STK39: variants seen among roughly 807,000 people sequenced by gnomAD.
STK39 encodes serine/threonine kinase 39.
Under a neutral mutation model 77.8 loss-of-function variants are expected in STK39, and 20 were observed. That is an observed-to-expected ratio of 0.26 (90% CI 0.18 to 0.37). The LOEUF is 0.37. STK39 is among the 10% of genes least tolerant of loss of function. The pLI is 1.00. For synonymous variants in STK39, 246 were observed against 234.1 expected, an observed-to-expected ratio of 1.05 and a Z score of -0.47; for missense variants, 479 against 656.5, an observed-to-expected ratio of 0.73 and a Z score of 2.95.
rs1415272882 is a variant in STK39 at position 168,039,972 on chromosome 2, TC to T, written c.1377-22878del. Reference sequence around the variant, plus strand: ...CAGGCACTGCCTCCCTTGGGAAGCCTCCCTGAGCCTCTCTATCCCTACCTCA... The same window carrying T: ...CAGGCACTGCCTCCCTTGGGAAGCCTCCTGAGCCTCTCTATCCCTACCTCA... On this transcript the variant is annotated intron_variant, in intron 14 of 17. Coordinates refer to ENST00000355999, the MANE Select transcript of STK39 (RefSeq NM_013233.3). Among the ~76,000 whole-genome samples the T allele has an allele frequency of 5.9e-5, 9 of 152,088 alleles. No homozygotes were observed. The East Asian group carries it at 1.7e-3, about 29-fold the overall frequency.
chr2:168,199,629 G>C (rs1366528626), intron 1 of STK39, among the ~76,000 whole-genome samples: 1 of 151,672 alleles, frequency 6.6e-6, no homozygotes, highest in Non-Finnish European at 1.5e-5. Flanking sequence ...CCAGGTTCAA[G>C]CGATTCTGCC....
At chr2:167,956,401 C>T (rs186489581) in intron 17 of STK39, among the ~76,000 whole-genome samples, 34 of 151,896 alleles carry the variant, frequency 2.2e-4, no homozygotes, top group African/African-American at 7.7e-4. Context: ...TACTAAAATA[C>T]AAAAAATTAG....
chr2:168,036,624 T>G (rs545313162), intron 14 of STK39, among the ~76,000 whole-genome samples: 20 of 152,220 alleles, frequency 1.3e-4, no homozygotes, highest in South Asian at 6.2e-4. Flanking sequence ...CAGACTTGTC[T>G]AGATATCTCT....
At chr2:168,193,358 T>C (rs1374604324) in intron 1 of STK39, among the ~76,000 whole-genome samples, 1 of 152,082 alleles carries the variant, frequency 6.6e-6, no homozygotes, top group Non-Finnish European at 1.5e-5. Context: ...TAGTCTGAAA[T>C]GATGGCAGAA....
chr2:168,037,087 G>A (rs1448662245), intron 14 of STK39, among the ~76,000 whole-genome samples: 1 of 152,134 alleles, frequency 6.6e-6, no homozygotes, highest in Non-Finnish European at 1.5e-5. Flanking sequence ...AGTAAAAATA[G>A]AAAAATCAAT....
At chr2:168,192,738 C>T (rs182152823) in intron 1 of STK39, among the ~76,000 whole-genome samples, 52 of 152,290 alleles carry the variant, frequency 3.4e-4, no homozygotes, top group Non-Finnish European at 6.2e-4. Context: ...TATAAATGTA[C>T]ATGTCTAGCA....
intron 16 of STK39, among the ~76,000 whole-genome samples, chr2:167,988,773 C>T (rs1683624378): frequency 6.6e-6 from 1 of 152,160 alleles, no homozygotes; most frequent in African/African-American, 2.4e-5. Flanking sequence ...AGTTAAACCA[C>T]CTTTAAAAAA....
chr2:168,130,215 T>C (rs1370047074), intron 8 of STK39, among the ~76,000 whole-genome samples: 2 of 152,208 alleles, frequency 1.3e-5, no homozygotes, highest in South Asian at 2.1e-4. Flanking sequence ...CACGCTCTGT[T>C]TGCCTGCTCA....
At chr2:167,976,064 A>G (rs1559040885) in intron 16 of STK39, among the ~76,000 whole-genome samples, 1 of 152,214 alleles carries the variant, frequency 6.6e-6, no homozygotes, top group Non-Finnish European at 1.5e-5. Flanking sequence ...AACTATCTGC[A>G]TACAAATCTA....
intron 1 of STK39, among the ~76,000 whole-genome samples, chr2:168,214,192 G>A (rs1047758327): frequency 2.6e-5 from 4 of 151,736 alleles, no homozygotes; most frequent in African/African-American, 9.7e-5. Flanking sequence ...GGTGATGACG[G>A]TGCCTGCCTA....
chr2:168,234,428 G>T (rs531010096), intron 1 of STK39, among the ~76,000 whole-genome samples: 5 of 152,330 alleles, frequency 3.3e-5, no homozygotes, highest in Admixed American at 3.3e-4. Flanking sequence ...GGACAGTGTG[G>T]TGCTAGCCCC....
chr2:167,959,614 G>A (rs1202419192), intron 17 of STK39, among the ~76,000 whole-genome samples: 1 of 152,152 alleles, frequency 6.6e-6, no homozygotes, highest in African/African-American at 2.4e-5. Flanking sequence ...TCTTCCTGAA[G>A]ACTGTCAATG....
intron 1 of STK39, among the ~76,000 whole-genome samples, chr2:168,234,885 G>C (rs1401835045): frequency 1.3e-5 from 2 of 151,818 alleles, no homozygotes; most frequent in African/African-American, 4.8e-5. Flanking sequence ...AGATGCAGTG[G>C]CTCATGCCTG....
intron 14 of STK39, among the ~76,000 whole-genome samples, chr2:168,046,749 CTG>C (rs994967347): frequency 2.0e-5 from 3 of 152,232 alleles, no homozygotes; most frequent in African/African-American, 7.2e-5. Context: ...GAAAGGGTAA[CTG>C]TGTTCCCTCC....
rs567212400 is a variant in STK39 at position 168,000,632 on chromosome 2, G to C, written c.1498+12002C>G. On this transcript the variant is annotated intron_variant, in intron 16 of 17. Coordinates refer to ENST00000355999, the MANE Select transcript of STK39 (RefSeq NM_013233.3). ...ATGTGAGGAATTGATAGTCAACCCTGAAAGGAAAGTCAGGGCAGTGGTTGA... is the reference window on the plus strand; with the variant it reads ...ATGTGAGGAATTGATAGTCAACCCTCAAAGGAAAGTCAGGGCAGTGGTTGA... Among the ~76,000 whole-genome samples the C allele has an allele frequency of 5.8e-4, 89 of 152,328 alleles. 1 individual carries two copies. The highest frequency in any genetic ancestry group is 9.8e-4 in the Non-Finnish European group (67 of 68,024).
intron 16 of STK39, among the ~76,000 whole-genome samples, chr2:167,994,741 C>T (rs193171049): frequency 2.0e-3 from 298 of 152,198 alleles, no homozygotes; most frequent in Non-Finnish European, 3.8e-3. Context: ...ATAATGCTTT[C>T]GAGGTTCATT....
intron 10 of STK39, among the ~76,000 whole-genome samples, chr2:168,087,826 A>T (rs1686408332): frequency 6.6e-6 from 1 of 152,228 alleles, no homozygotes; most frequent in Admixed American, 6.5e-5. Flanking sequence ...TAATGTCTCT[A>T]AGTGAAATAT....
intron 3 of STK39, 56 bp downstream of exon 3, chr2:168,167,243 T>C: frequency 6.9e-7 from 1 of 1,444,962 alleles, no homozygotes; most frequent in Non-Finnish European, 9.7e-7. Flanking sequence ...AATATGCTGG[T>C]TCCAACAAAA....
At chr2:168,062,794 T>G (rs1685696328) in intron 14 of STK39, among the ~76,000 whole-genome samples, 1 of 152,212 alleles carries the variant, frequency 6.6e-6, no homozygotes, top group African/African-American at 2.4e-5. Context: ...TTAAAACATC[T>G]TCAAAGATGT....
Sources: allele counts gnomAD v4.1 joint callset (sites outside exome capture counted in the v4.1 genomes callset), GRCh38; gene constraint gnomAD v4.1.1; transcripts MANE v1.5; gene names NCBI Gene and HGNC (gene_info 2026-07-23, HGNC 2026-07-21).